Variants in RHBDD1 observed in about 807,000 individuals in gnomAD.
RHBDD1 encodes rhomboid-related protein 4.
Under a neutral mutation model 36.3 loss-of-function variants are expected in RHBDD1, and 38 were observed. That is an observed-to-expected ratio of 1.05 (90% CI 0.81 to 1.37). RHBDD1 has a LOEUF of 1.37. Ranked by LOEUF, RHBDD1 falls within the 40% of genes most tolerant of loss-of-function variation. The probability of loss-of-function intolerance (pLI) is 0.00; values close to 1 mark genes in which losing one functional copy is unlikely to be tolerated. For missense variants in RHBDD1, 393 were observed against 377.6 expected (o/e 1.04, Z -0.34); for synonymous variants, 151 against 136.5 (o/e 1.11, Z -0.74).
At chr2:226,974,229 T>A (rs550426073) in intron 8 of RHBDD1, among the ~76,000 whole-genome samples, 7 of 151,026 alleles carry the variant, frequency 4.6e-5, no homozygotes, top group Admixed American at 6.6e-5. Context: ...GCCCTTTTTT[T>A]ATTTTATTTT....
chr2:226,869,111 T>C (rs922917363), intron 5 of RHBDD1: 1 of 889,988 alleles, frequency 1.1e-6, no homozygotes, highest in Non-Finnish European at 1.3e-6. Flanking sequence ...CAACTATTTC[T>C]GAAGTGCTTT....
intron 8 of RHBDD1, among the ~76,000 whole-genome samples, chr2:226,935,588 C>A (rs1201367093): frequency 6.6e-6 from 1 of 151,784 alleles, no homozygotes; most frequent in African/African-American, 2.4e-5. Flanking sequence ...CATTAACTAA[C>A]TTTATTTGTG....
At chr2:226,907,082 C>T (rs1243126190) in intron 6 of RHBDD1, 6 of 629,738 alleles carry the variant, frequency 9.5e-6, no homozygotes, top group African/African-American at 7.3e-5. Context: ...ACTTAAATTT[C>T]GAATCTGATA....
intron 3 of RHBDD1, among the ~76,000 whole-genome samples, chr2:226,860,054 A>AT (rs1012422140): frequency 6.6e-6 from 1 of 152,128 alleles, no homozygotes; most frequent in Non-Finnish European, 1.5e-5. Context: ...GATGGATAGG[A>AT]TTTGGGGGTA....
At chr2:226,942,745 T>C (rs1202560617) in intron 8 of RHBDD1, among the ~76,000 whole-genome samples, 1 of 152,240 alleles carries the variant, frequency 6.6e-6, no homozygotes, top group Non-Finnish European at 1.5e-5. Flanking sequence ...TAAATATTAG[T>C]GACATTTGAA....
At chr2:226,869,444 T>C (rs1944608412) in intron 5 of RHBDD1, among the ~76,000 whole-genome samples, 1 of 152,226 alleles carries the variant, frequency 6.6e-6, no homozygotes, top group African/African-American at 2.4e-5. Context: ...CTCTTTGCAA[T>C]GCATTGTTAT....
chr2:226,984,436 A>AT (rs1195791493), intron 8 of RHBDD1, among the ~76,000 whole-genome samples: 4 of 152,316 alleles, frequency 2.6e-5, no homozygotes, highest in African/African-American at 9.6e-5. Flanking sequence ...TCATTCCCTG[A>AT]TAAGTTTACC....
At chr2:226,802,223 G>T in the RHBDD1 span, among the ~76,000 whole-genome samples, 1 of 152,080 alleles carries the variant, frequency 6.6e-6, no homozygotes, top group Non-Finnish European at 1.5e-5. Flanking sequence ...AAGCATTTCT[G>T]CTTTAAAAAA....
chr2:226,863,391 A>G (rs1944036336), intron 3 of RHBDD1, among the ~76,000 whole-genome samples: 1 of 152,252 alleles, frequency 6.6e-6, no homozygotes, highest in Admixed American at 6.5e-5. Context: ...TTGGAGGGAC[A>G]AACACCTAAA....
At chr2:226,867,467 T>A (rs1944432860) in intron 5 of RHBDD1, 149 bp downstream of exon 5, 1 of 1,212,432 alleles carries the variant, frequency 8.2e-7, no homozygotes, top group African/African-American at 1.6e-5. Flanking sequence ...AGTTTTAATG[T>A]CAGATATTTC....
At chr2:226,853,101 A>G (rs949020905) in intron 3 of RHBDD1, among the ~76,000 whole-genome samples, 7 of 151,992 alleles carry the variant, frequency 4.6e-5, no homozygotes, top group African/African-American at 1.7e-4. Context: ...TTAAATTCTA[A>G]TTAAATTTTA....
intron 8 of RHBDD1, among the ~76,000 whole-genome samples, chr2:226,941,580 G>A (rs1465702270): frequency 6.6e-6 from 1 of 152,208 alleles, no homozygotes; most frequent in East Asian, 1.9e-4. Flanking sequence ...GTCCCAAGGT[G>A]GACCATGCTG....
At chr2:226,900,158 G>T (rs1440823015) in intron 5 of RHBDD1, among the ~76,000 whole-genome samples, 1 of 152,158 alleles carries the variant, frequency 6.6e-6, no homozygotes, top group African/African-American at 2.4e-5. Flanking sequence ...CTGAAGACAG[G>T]CTTGTTGGCT....
intron 5 of RHBDD1, among the ~76,000 whole-genome samples, chr2:226,884,270 T>G (rs1371728488): frequency 6.6e-6 from 1 of 152,190 alleles, no homozygotes; most frequent in East Asian, 1.9e-4. Flanking sequence ...AGGACTGTTT[T>G]CCATTTACAT....
chr2:226,940,481 A>G (rs1950595268), intron 8 of RHBDD1, among the ~76,000 whole-genome samples: 1 of 152,144 alleles, frequency 6.6e-6, no homozygotes, highest in African/African-American at 2.4e-5. Context: ...CTGCCATTTA[A>G]GTCTTGGGAA....
At chr2:226,839,291 A>G (rs971228359) in intron 2 of RHBDD1, 118 bp from the exon 3 acceptor site, 1 of 152,208 alleles carries the variant, frequency 6.6e-6, no homozygotes, top group African/African-American at 2.4e-5. Context: ...GTACATGTAT[A>G]TGTAAATGTT....
intron 8 of RHBDD1, among the ~76,000 whole-genome samples, chr2:226,978,952 G>A (rs554040022): frequency 3.3e-4 from 50 of 152,152 alleles, no homozygotes; most frequent in Non-Finnish European, 5.6e-4. Flanking sequence ...TTGTGTTAGA[G>A]TTCTTCAGAG....
At chr2:226,913,635 C>T (rs1224200354) in intron 7 of RHBDD1, among the ~76,000 whole-genome samples, 5 of 151,596 alleles carry the variant, frequency 3.3e-5, no homozygotes, top group South Asian at 2.1e-4. Flanking sequence ...TTTTTGAAGT[C>T]GTCTCTTCTT....
chr2:226,904,414 C>CGG lies in RHBDD1; in HGVS notation c.567-2372_567-2371dup, dbSNP rs1294372074. Among the ~76,000 whole-genome samples the CGG allele has an allele frequency of 1.6e-3, 73 of 46,548 alleles. 8 individuals are homozygous for CGG. Among genetic ancestry groups the CGG allele is most frequent in the African/African-American group, 4.2e-3 (44 of 10,466 alleles). The allele number at this position is 46,548 out of a possible 152,430, so 30.5% of individuals were successfully genotyped here. On this transcript the variant is annotated intron_variant, in intron 5 of 8. Transcript: ENST00000392062. Reference sequence around the variant, plus strand: ...ACACCACTGTGGCACATCCTGCAAGCGGGGGGGGAGGGGGGTCAGGGAACT... The same window carrying CGG: ...ACACCACTGTGGCACATCCTGCAAGCGGGGGGGGGGAGGGGGGTCAGGGAACT...
Sources: gnomAD v4.1 joint callset for allele counts (sites outside exome capture counted in the v4.1 genomes callset) on GRCh38, gnomAD v4.1.1 for gene constraint, MANE v1.5 for transcripts, NCBI Gene and HGNC (gene_info 2026-07-23, HGNC 2026-07-21) for gene names.